SYCP2: variants seen among roughly 807,000 people sequenced by gnomAD.
SYCP2 encodes the protein synaptonemal complex protein 2.
In SYCP2, 55 loss-of-function variants were observed where a neutral mutation model predicts 211.3. That is an observed-to-expected ratio of 0.26 (90% CI 0.21 to 0.33). SYCP2 has a LOEUF of 0.33. Among genes scored for constraint, SYCP2 ranks in the 10% least tolerant of loss-of-function variants. The probability of loss-of-function intolerance (pLI) is 1.00; values close to 1 mark genes in which losing one functional copy is unlikely to be tolerated. For missense variants in SYCP2, 1,731 were observed against 1,752.0 expected, an observed-to-expected ratio of 0.99 and a Z score of 0.21; for synonymous variants, 570 against 555.2, an observed-to-expected ratio of 1.03 and a Z score of -0.37.
At position 59,865,243 on chromosome 20, in the gene SYCP2, A is replaced by G. The variant is rs1230963767; in HGVS notation, c.4515+145T>C. 2.3e-5 allele frequency: 14 copies of G among 620,378 alleles called. No individual in the cohort carries two copies. In the Middle Eastern group the frequency reaches 2.0e-3, roughly 90 times the overall value. 38.4% of individuals were successfully genotyped at this position (620,378 alleles called of 1,614,324 possible). On this transcript the variant is annotated intron_variant, in intron 44 of 44. Transcript: ENST00000357552. The stretch of plus-strand genomic sequence containing the variant: ...CTTTCACTATAAATATGCTCCCATT[A>G]TTTAAAGAACTAAAAGTAATTGGGC...
intron 22 of SYCP2, among the ~76,000 whole-genome samples, 197 bp from the exon 23 acceptor site, chr20:59,892,898 A>G (rs2059935331): frequency 6.6e-6 from 1 of 151,932 alleles, no homozygotes; most frequent in South Asian, 2.1e-4. Context: ...TTATATTTCT[A>G]CACATTCATT....
In SYCP2 at chr20:59,914,269, AAT is replaced by A. The variant is rs771811680; in HGVS notation, c.635-20_635-19del. 4.8e-6 allele frequency: 7 copies of A among 1,446,782 alleles called. No individual in the cohort carries two copies. In the South Asian group the frequency reaches 5.3e-5, roughly 11 times the overall value. The allele number at this position is 1,446,782 out of a possible 1,614,324, so 89.6% of individuals were successfully genotyped here. On this transcript the variant is annotated intron_variant, in intron 10 of 44. Transcript: ENST00000357552. ...GTCATAATCTATTAAAAAAATAGTT[AAT>A]GTTTGATTTACAATTATGAAAATTA...
chr20:59,903,429 A>T (rs1162520651), intron 15 of SYCP2, among the ~76,000 whole-genome samples: 1 of 152,148 alleles, frequency 6.6e-6, no homozygotes, highest in Admixed American at 6.6e-5. Flanking sequence ...GACATAGGAT[A>T]AAAGTAGGCT....
At chr20:59,874,730 C>A (rs893987694) in intron 34 of SYCP2, among the ~76,000 whole-genome samples, 2 of 151,908 alleles carry the variant, frequency 1.3e-5, no homozygotes, top group African/African-American at 2.4e-5. Context: ...ATAAAAAGGG[C>A]AAACTTATAC....
At chr20:59,930,721 A>G (rs1447769725) in intron 2 of SYCP2, among the ~76,000 whole-genome samples, 1 of 149,794 alleles carries the variant, frequency 6.7e-6, no homozygotes, top group East Asian at 1.9e-4. Flanking sequence ...TTGTTATAAT[A>G]TTTAATAATA....
intron 2 of SYCP2, among the ~76,000 whole-genome samples, chr20:59,928,704 G>A (rs944948238): frequency 2.6e-5 from 4 of 151,968 alleles, no homozygotes; most frequent in South Asian, 2.1e-4. Flanking sequence ...AGATGGTTTC[G>A]CAAATCGGGA....
chr20:59,890,705 T>C (rs1219836552), intron 24 of SYCP2, among the ~76,000 whole-genome samples: 1 of 151,862 alleles, frequency 6.6e-6, no homozygotes, highest in Non-Finnish European at 1.5e-5. Context: ...AGGAAGTTGA[T>C]TTTTTTAAAA....
chr20:59,915,491 G>C lies in SYCP2; in HGVS notation c.573C>G (p.Leu191=), dbSNP rs757557663. 1 of 1,607,658 alleles carries C rather than the reference G, an allele frequency of 6.2e-7. No individual in the cohort carries two copies. The highest frequency in any genetic ancestry group is 1.3e-5 in the African/African-American group (1 of 74,758). ...DKMPQDARKI[L]SNQEMLILMS... Reference sequence around the variant, plus strand: ...TGAGAATTAACATTTCTTGGTTAGAGAGTATTTTCCGGGCATCTTGAGGCA... The same window carrying C: ...TGAGAATTAACATTTCTTGGTTAGACAGTATTTTCCGGGCATCTTGAGGCA... The change falls in exon 9 of 45, where the codon CTC becomes CTG. Residue 191 remains leucine, a synonymous_variant. Transcript: ENST00000357552.
At chr20:59,914,353 A>C in intron 10 of SYCP2, 102 bp from the exon 11 acceptor site, 1 of 584,310 alleles carries the variant, frequency 1.7e-6, no homozygotes, top group Admixed American at 3.5e-5. Flanking sequence ...AGAAATAAGA[A>C]TATATTAATG....
chr20:59,877,324 A>G, intron 33 of SYCP2, 61 bp downstream of exon 33: 1 of 1,165,862 alleles, frequency 8.6e-7, no homozygotes. Flanking sequence ...ATTTTTTACA[A>G]AAATATATAT....
In SYCP2 at chr20:59,877,600, C is replaced by T. The variant is rs188885689; in HGVS notation, c.2980-45G>A. The T allele has an allele frequency of 5.2e-4, 774 of 1,484,702 alleles. 2 individuals are homozygous for T. The highest frequency in any genetic ancestry group is 2.8e-3 in the East Asian group (119 of 42,448). 92.0% of individuals were successfully genotyped at this position (1,484,702 alleles called of 1,614,324 possible). A position where few individuals can be genotyped will look rare whatever the true frequency, so the allele number is the denominator to read the frequency against. ...GAATATTAGATCAATATTTGAGGTA[C>T]AAGAAATACAAGCAATTTGCTATAA... On this transcript the variant is annotated intron_variant, in intron 32 of 44. Transcript: ENST00000357552.
At chr20:59,922,239 A>G (rs1308946537) in intron 3 of SYCP2, 151 bp downstream of exon 3, 1 of 644,402 alleles carries the variant, frequency 1.6e-6, no homozygotes, top group East Asian at 3.1e-5. Flanking sequence ...TAATGAATAC[A>G]TGAAAGGACA....
chr20:59,891,440 G>A (rs1047450378), intron 24 of SYCP2, among the ~76,000 whole-genome samples: 1 of 151,818 alleles, frequency 6.6e-6, no homozygotes, highest in Non-Finnish European at 1.5e-5. Context: ...AAAAGAAAGT[G>A]GGAGCTCTAA....
At chr20:59,903,739 G>C (rs2060161275) in intron 15 of SYCP2, among the ~76,000 whole-genome samples, 1 of 152,062 alleles carries the variant, frequency 6.6e-6, no homozygotes, top group Admixed American at 6.6e-5. Context: ...AAGCAAAAAA[G>C]GCAAGGTTAA....
chr20:59,874,181 TAAA>T (rs1374108507), intron 34 of SYCP2, 120 bp from the exon 35 acceptor site: 1 of 526,676 alleles, frequency 1.9e-6, no homozygotes, highest in Non-Finnish European at 3.1e-6. Context: ...ATCTTAGCTA[TAAA>T]AAAGGATAGC....
rs2060123196 is a variant in SYCP2 at position 59,901,926 on chromosome 20, T to C, written c.1034-116A>G. 7.5e-6 allele frequency: 6 copies of C among 800,612 alleles called. No individual in the cohort carries two copies. The Middle Eastern group carries it at 2.0e-3, about 263-fold the overall frequency. 49.6% of individuals were successfully genotyped at this position (800,612 alleles called of 1,614,324 possible). On this transcript the variant is annotated intron_variant, in intron 15 of 44. Transcript: ENST00000357552. ...GAATCAAAATTCAAATTCTCAATAT[T>C]GAACAGTGTTTAAATTAATCAATTC...
intron 36 of SYCP2, 77 bp downstream of exon 36, chr20:59,869,721 C>T (rs2059414191): frequency 2.6e-6 from 2 of 770,026 alleles, no homozygotes; most frequent in Non-Finnish European, 2.1e-6. Context: ...ATAATTACCA[C>T]TAAAGGTCAG....
intron 12 of SYCP2, among the ~76,000 whole-genome samples, chr20:59,913,587 T>C (rs2060373468): frequency 6.6e-6 from 1 of 152,154 alleles, no homozygotes; most frequent in East Asian, 1.9e-4. Context: ...CATTCCAGTA[T>C]GTGGATGAAG....
chr20:59,926,291 T>C (rs1443548627), intron 2 of SYCP2, among the ~76,000 whole-genome samples: 1 of 151,992 alleles, frequency 6.6e-6, no homozygotes, highest in Non-Finnish European at 1.5e-5. Context: ...ACAGCAGAAA[T>C]TATCTCAGTG....
Sources: allele counts gnomAD v4.1 joint callset (sites outside exome capture counted in the v4.1 genomes callset), GRCh38; gene constraint gnomAD v4.1.1; transcripts MANE v1.5; gene names NCBI Gene and HGNC (gene_info 2026-07-23, HGNC 2026-07-21).